The following ALMS1 variants were observed in gnomAD, a reference collection of about 807,000 sequenced individuals.
ALMS1 encodes the protein ALMS1 centrosome and basal body associated protein, also known as centrosome-associated protein ALMS1.
A neutral mutation model predicts 352.2 loss-of-function variants in ALMS1; 271 were observed. The ratio of observed to expected loss-of-function variants is 0.77; its 90% CI spans 0.70 to 0.85. The LOEUF is 0.85. Ranked by LOEUF, ALMS1 falls within the 40% of genes least tolerant of loss-of-function variation. The probability of loss-of-function intolerance (pLI) is 0.00; values close to 1 mark genes in which losing one functional copy is unlikely to be tolerated. For missense variants in ALMS1, 5,445 were observed against 4,870.7 expected (o/e 1.12, Z -3.51); for synonymous variants, 1,865 against 1,761.2 (o/e 1.06, Z -1.48).
At chr2:73,513,301 T>C (rs1673490336) in intron 10 of ALMS1, among the ~76,000 whole-genome samples, 1 of 152,096 alleles carries the variant, frequency 6.6e-6, no homozygotes. Context: ...CCTCAACGTA[T>C]GGACACTCTC....
At chr2:73,425,270 T>C (rs1204374122) in intron 5 of ALMS1, among the ~76,000 whole-genome samples, 2 of 152,040 alleles carry the variant, frequency 1.3e-5, no homozygotes, top group Non-Finnish European at 2.9e-5. Flanking sequence ...ATGAAGAAGG[T>C]TTACAGAAAG....
intron 12 of ALMS1, among the ~76,000 whole-genome samples, chr2:73,540,644 T>A (rs1021152902): frequency 1.3e-5 from 2 of 151,726 alleles, no homozygotes; most frequent in Non-Finnish European, 2.9e-5. Flanking sequence ...ATGTGCAGAG[T>A]CACACATAGG....
chr2:73,605,651 C>T (rs952824279), intron 21 of ALMS1, among the ~76,000 whole-genome samples: 2 of 152,066 alleles, frequency 1.3e-5, no homozygotes, highest in Admixed American at 6.5e-5. Flanking sequence ...GAGTTCAAGC[C>T]TGGCCAACAT....
At chr2:73,525,441 T>G (rs1410675002) in intron 11 of ALMS1, among the ~76,000 whole-genome samples, 1 of 152,190 alleles carries the variant, frequency 6.6e-6, no homozygotes, top group Non-Finnish European at 1.5e-5. Flanking sequence ...CAACATTTGT[T>G]GTTGTATATC....
intron 12 of ALMS1, among the ~76,000 whole-genome samples, chr2:73,542,211 A>G (rs1234130478): frequency 1.3e-5 from 2 of 152,238 alleles, no homozygotes; most frequent in Non-Finnish European, 2.9e-5. Flanking sequence ...AGGCTGGTTC[A>G]ACATTCGTAA....
chr2:73,526,176 T>C (rs1673787264), intron 11 of ALMS1, among the ~76,000 whole-genome samples: 1 of 152,196 alleles, frequency 6.6e-6, no homozygotes, highest in Non-Finnish European at 1.5e-5. Context: ...TTTTGGTTAT[T>C]ATAGTATTGT....
At chr2:73,586,766 T>G (rs1014541656) in intron 16 of ALMS1, among the ~76,000 whole-genome samples, 1 of 152,176 alleles carries the variant, frequency 6.6e-6, no homozygotes, top group African/African-American at 2.4e-5. Context: ...TTAGGATTGT[T>G]TTTTCTAGTT....
chr2:73,600,765 T>G lies in ALMS1; in HGVS notation c.11756T>G (p.Leu3919Trp), dbSNP rs755984532. The G allele has an allele frequency of 1.2e-6, 2 of 1,614,108 alleles. No homozygotes were observed. Among genetic ancestry groups the G allele is most frequent in the South Asian group, 2.2e-5 (2 of 91,066 alleles). The change falls in exon 18 of 23, where the codon TTG becomes TGG. Residue 3919 changes from leucine to tryptophan, a missense_variant. Leu to Trp is a moderately conservative substitution (Grantham distance 61). Transcript: ENST00000613296. ...ACTCCAAGTTCCAGCGAGGCTAAAT[T>G]GGAAGAGAACAGTGATGTGACTTCT... ...FPTPSSSEAK[L>W]EENSDVTSWS...
At chr2:73,570,966 T>C (rs1297972847) in intron 15 of ALMS1, among the ~76,000 whole-genome samples, 1 of 152,210 alleles carries the variant, frequency 6.6e-6, no homozygotes, top group Non-Finnish European at 1.5e-5. Context: ...TTCTCTTATA[T>C]CAGCTTGTTT....
intron 1 of ALMS1, among the ~76,000 whole-genome samples, chr2:73,407,132 GA>G (rs1239156165): frequency 6.6e-6 from 1 of 152,214 alleles, no homozygotes; most frequent in East Asian, 1.9e-4. Context: ...TGCTGATGGG[GA>G]CTCTGCAGAA....
At chr2:73,506,101 T>C in intron 10 of ALMS1, among the ~76,000 whole-genome samples, 1 of 152,190 alleles carries the variant, frequency 6.6e-6, no homozygotes, top group Non-Finnish European at 1.5e-5. Context: ...TGGTTGTAGA[T>C]GTGTGGTGTT....
At chr2:73,503,247 C>A (rs1056262071) in intron 10 of ALMS1, among the ~76,000 whole-genome samples, 3 of 152,134 alleles carry the variant, frequency 2.0e-5, no homozygotes, top group Admixed American at 6.6e-5. Context: ...ATCCCTCCCC[C>A]CTTCCCCGAC....
chr2:73,609,784 T>G lies in ALMS1; in HGVS notation c.*172T>G, dbSNP rs764998110. 6 of 674,524 alleles carry G rather than the reference T, an allele frequency of 8.9e-6. No homozygotes were observed. The highest frequency in any genetic ancestry group is 1.8e-5 in the South Asian group (1 of 56,584). 41.8% of individuals were successfully genotyped at this position (674,524 alleles called of 1,614,324 possible). A position where few individuals can be genotyped will look rare whatever the true frequency, so the allele number is the denominator to read the frequency against. On this transcript the variant is annotated 3_prime_UTR_variant, in exon 23 of 23. Transcript: ENST00000613296. ...AAGTGGTGATTAAAATTCCTAATGGTTTGGGAGCAATACTTTCTGCATAGT... is the reference window on the plus strand; with the variant it reads ...AAGTGGTGATTAAAATTCCTAATGGGTTGGGAGCAATACTTTCTGCATAGT...
intron 16 of ALMS1, among the ~76,000 whole-genome samples, chr2:73,579,956 C>T (rs191178108): frequency 5.9e-5 from 9 of 152,206 alleles, no homozygotes; most frequent in Non-Finnish European, 1.2e-4. Context: ...ATTATTTCTC[C>T]AAATATTCCT....
At chr2:73,574,598 T>C (rs559669690) in intron 16 of ALMS1, among the ~76,000 whole-genome samples, 1 of 152,258 alleles carries the variant, frequency 6.6e-6, no homozygotes, top group Admixed American at 6.5e-5. Context: ...ATTATAAATA[T>C]TATTTCTCCT....
rs1041583491 is a variant in ALMS1, at chr2:73,489,741, T to C, written c.7782T>C (p.His2594=). ...GTTTCCGGACTCTAACTTCTGAACA[T>C]CCACAACTAGATAGACACCCTTGTG... The part of the protein sequence containing the change: ...KGCFRTLTSE[H]PQLDRHPCAF... Residue 2594 remains histidine (H), a synonymous_variant, in exon 10 of 23, where the codon CAT becomes CAC. Transcript: ENST00000613296. The C allele has an allele frequency of 6.2e-7, 1 of 1,614,014 alleles. No homozygotes were observed. Among genetic ancestry groups the C allele is most frequent in the Non-Finnish European group, 8.5e-7 (1 of 1,180,042 alleles).
intron 7 of ALMS1, among the ~76,000 whole-genome samples, chr2:73,441,186 G>A (rs542029466): frequency 6.6e-6 from 1 of 152,204 alleles, no homozygotes; most frequent in Non-Finnish European, 1.5e-5. Context: ...TAGGCCTCCT[G>A]ATGCATCTAG....
chr2:73,437,599 G>A (rs1473519000), intron 7 of ALMS1, among the ~76,000 whole-genome samples: 1 of 152,106 alleles, frequency 6.6e-6, no homozygotes, highest in African/African-American at 2.4e-5. Context: ...ATCTACTGAT[G>A]TACCCAGTTG....
chr2:73,541,017 C>T (rs1460984769), intron 12 of ALMS1, among the ~76,000 whole-genome samples: 1 of 152,206 alleles, frequency 6.6e-6, no homozygotes, highest in Non-Finnish European at 1.5e-5. Flanking sequence ...CTGCATGAAG[C>T]AGACCTAACA....
Sources: allele counts gnomAD v4.1 joint callset (sites outside exome capture counted in the v4.1 genomes callset), GRCh38; gene constraint gnomAD v4.1.1; transcripts MANE v1.5; gene names NCBI Gene and HGNC (gene_info 2026-07-23, HGNC 2026-07-21).